Variants in TCF4 observed in about 807,000 individuals in gnomAD.
TCF4 encodes the protein SL3-3 enhancer factor 2.
A neutral mutation model predicts 82.1 loss-of-function variants in TCF4; 3 were observed. The ratio of observed to expected loss-of-function variants is 0.04; its 90% confidence interval spans 0.02 to 0.09. The LOEUF (loss-of-function observed/expected upper bound fraction) is 0.09. Among genes scored for constraint, TCF4 ranks in the 10% least tolerant of loss-of-function variants. TCF4 has a pLI of 1.00. For missense variants in TCF4, 518 were observed against 852.7 expected (o/e 0.61, Z 4.89); for synonymous variants, 276 against 309.6 (o/e 0.89, Z 1.14).
intron 5 of TCF4, among the ~76,000 whole-genome samples, chr18:55,432,468 T>C (rs1454560796): frequency 2.0e-5 from 3 of 152,150 alleles, no homozygotes; most frequent in Non-Finnish European, 4.4e-5. Context: ...CTTTACCCTA[T>C]ACAACCTTGT....
intron 3 of TCF4, among the ~76,000 whole-genome samples, chr18:55,473,503 C>T (rs2096229957): frequency 6.6e-6 from 1 of 152,176 alleles, no homozygotes; most frequent in Non-Finnish European, 1.5e-5. Flanking sequence ...CCACCACAAC[C>T]CCTTTTGCTT....
intron 6 of TCF4, among the ~76,000 whole-genome samples, chr18:55,403,093 A>G (rs1484926466): frequency 2.0e-5 from 3 of 152,170 alleles, no homozygotes; most frequent in African/African-American, 7.2e-5. Context: ...GGTCTGACAC[A>G]TGACTCCGCG....
intron 3 of TCF4, among the ~76,000 whole-genome samples, chr18:55,509,301 T>C (rs770288931): frequency 2.6e-5 from 4 of 151,550 alleles, no homozygotes; most frequent in Non-Finnish European, 4.4e-5. Context: ...TAAAAGCAAG[T>C]AGGTACAGCA....
chr18:55,272,184 G>C (rs1480333815), intron 10 of TCF4, among the ~76,000 whole-genome samples: 1 of 152,016 alleles, frequency 6.6e-6, no homozygotes, highest in Non-Finnish European at 1.5e-5. Context: ...AGATTATAAA[G>C]GAGTGAACCA....
intron 15 of TCF4, among the ~76,000 whole-genome samples, chr18:55,241,907 C>T (rs910184603): frequency 6.6e-6 from 1 of 152,226 alleles, no homozygotes; most frequent in African/African-American, 2.4e-5. Flanking sequence ...AGAGGTCCAC[C>T]TTGTGCTGAT....
chr18:55,303,934 A>C (rs2069246209), intron 8 of TCF4, among the ~76,000 whole-genome samples: 2 of 152,112 alleles, frequency 1.3e-5, no homozygotes, highest in African/African-American at 4.8e-5. Flanking sequence ...CAACCTTCTC[A>C]CCTCTTCACT....
chr18:55,443,695 C>A (rs947263418), intron 5 of TCF4, among the ~76,000 whole-genome samples: 1 of 152,166 alleles, frequency 6.6e-6, no homozygotes, highest in Non-Finnish European at 1.5e-5. Context: ...TTTCCTTCTT[C>A]CATTCGTCAC....
At chr18:55,596,230 G>GA in intron 2 of TCF4, 2 of 324,738 alleles carry the variant, frequency 6.2e-6, no homozygotes, top group Admixed American at 4.3e-5. Context: ...ACTCCATCTG[G>GA]AAAAAAATCA....
intron 5 of TCF4, among the ~76,000 whole-genome samples, chr18:55,459,735 A>G (rs1008640456): frequency 2.0e-5 from 3 of 152,180 alleles, no homozygotes; most frequent in African/African-American, 7.2e-5. Context: ...CTTTCTATCA[A>G]CAACTGATAA....
chr18:55,621,284 G>T (rs1051948453), intron 2 of TCF4, among the ~76,000 whole-genome samples: 3 of 149,634 alleles, frequency 2.0e-5, no homozygotes, highest in Non-Finnish European at 4.4e-5. Flanking sequence ...TTAGATTCAG[G>T]CCTAATGCAC....
At chr18:55,576,062 C>T (rs1486024460) in intron 3 of TCF4, among the ~76,000 whole-genome samples, 1 of 152,064 alleles carries the variant, frequency 6.6e-6, no homozygotes, top group Non-Finnish European at 1.5e-5. Flanking sequence ...TTAAATACAG[C>T]AGTATTCCTT....
chr18:55,401,906 TCC>T, intron 6 of TCF4: 1 of 841,474 alleles, frequency 1.2e-6, no homozygotes, highest in Non-Finnish European at 1.4e-6. Flanking sequence ...AACTTTCTTC[TCC>T]CCAAAACTCT....
intron 3 of TCF4, among the ~76,000 whole-genome samples, chr18:55,559,900 C>T (rs2097340104): frequency 1.3e-5 from 2 of 152,088 alleles, no homozygotes; most frequent in South Asian, 4.1e-4. Flanking sequence ...AAGAAGCAGA[C>T]AAGCCCAGCG....
At chr18:55,236,470 A>G (rs1473821547) in intron 15 of TCF4, among the ~76,000 whole-genome samples, 1 of 151,262 alleles carries the variant, frequency 6.6e-6, no homozygotes, top group Non-Finnish European at 1.5e-5. Context: ...TTTTTTTTAA[A>G]CATATTCAAC....
intron 15 of TCF4, among the ~76,000 whole-genome samples, chr18:55,242,952 C>A (rs1197616501): frequency 6.6e-6 from 1 of 151,982 alleles, no homozygotes; most frequent in Non-Finnish European, 1.5e-5. Flanking sequence ...CTATACAAGG[C>A]AAAATACGAT....
At chr18:55,322,852 G>A (rs116831201) in intron 8 of TCF4, among the ~76,000 whole-genome samples, 2,718 of 152,320 alleles carry the variant, frequency 0.018, 74 homozygotes, top group African/African-American at 0.06. Context: ...ACAGCTGTCA[G>A]TTTCCCCAAA....
At chr18:55,617,399 T>G (rs1186955791) in intron 2 of TCF4, among the ~76,000 whole-genome samples, 2 of 152,150 alleles carry the variant, frequency 1.3e-5, no homozygotes, top group Non-Finnish European at 2.9e-5. Flanking sequence ...TCTCAAGATT[T>G]CTTTGGCTAT....
At chr18:55,440,269 C>T (rs1009391460) in intron 5 of TCF4, among the ~76,000 whole-genome samples, 14 of 152,072 alleles carry the variant, frequency 9.2e-5, no homozygotes, top group African/African-American at 2.9e-4. Flanking sequence ...CTAAGTGATG[C>T]GGGTATGTTT....
chr18:55,319,907 T>C (rs2075061996), intron 8 of TCF4, among the ~76,000 whole-genome samples: 1 of 152,168 alleles, frequency 6.6e-6, no homozygotes. Flanking sequence ...ACAATTAACA[T>C]GTAAAAGTCA....
Sources: gnomAD v4.1 joint callset for allele counts (sites outside exome capture counted in the v4.1 genomes callset) on GRCh38, gnomAD v4.1.1 for gene constraint, MANE v1.5 for transcripts, NCBI Gene and HGNC (gene_info 2026-07-23, HGNC 2026-07-21) for gene names.